The following ITPK1 variants were observed in gnomAD, a reference collection of about 807,000 sequenced individuals.
ITPK1 encodes the protein inositol 1,3,4-trisphosphate 5/6-kinase.
A neutral mutation model predicts 45.3 loss-of-function variants in ITPK1; 21 were observed. The ratio of observed to expected loss-of-function variants is 0.46; its 90% CI spans 0.33 to 0.67. The LOEUF (loss-of-function observed/expected upper bound fraction) is 0.67. Among genes scored for constraint, ITPK1 ranks in the 30% least tolerant of loss-of-function variants. ITPK1 has a pLI of 0.02. For missense variants in ITPK1, 474 were observed against 573.5 expected (o/e 0.83, Z 1.77); for synonymous variants, 258 against 253.6 (o/e 1.02, Z -0.16).
At chr14:93,108,967 C>G (rs1423768187) in intron 2 of ITPK1, among the ~76,000 whole-genome samples, 1 of 152,162 alleles carries the variant, frequency 6.6e-6, no homozygotes, top group Non-Finnish European at 1.5e-5. Flanking sequence ...GAGCCAAGAT[C>G]GTGCCACTGC....
intron 5 of ITPK1, among the ~76,000 whole-genome samples, chr14:92,982,071 C>T (rs1886262621): frequency 6.6e-6 from 1 of 152,230 alleles, no homozygotes; most frequent in South Asian, 2.1e-4. Context: ...GGGCGACATG[C>T]CCCAAGACAC....
rs1234884526 is a variant in ITPK1, at chr14:92,993,902, C to G, written c.342G>C (p.Arg114=). 6.2e-7 allele frequency: 1 copy of G among 1,612,054 alleles called. No individual in the cohort carries two copies. The highest frequency in any genetic ancestry group is 8.5e-7 in the Non-Finnish European group (1 of 1,178,108). The change falls in exon 5 of 11, where the codon CGG becomes CGC. Residue 114 remains arginine (R), a synonymous_variant. Transcript: ENST00000267615. The part of the protein sequence containing the change: ...LDRSKSYELI[R]KIEAYMEDDR... ...TACCTTCCATGTAGGCCTCAATCTT[C>G]CGGATGAGCTCATAGGACTTGGAGC...
intron 3 of ITPK1, among the ~76,000 whole-genome samples, chr14:93,039,648 C>T (rs1011980903): frequency 6.6e-6 from 1 of 152,174 alleles, no homozygotes; most frequent in African/African-American, 2.4e-5. Context: ...TCTGTGACCA[C>T]TGAATGGGGG....
At chr14:93,112,155 G>T (rs1312451095) in intron 2 of ITPK1, among the ~76,000 whole-genome samples, 1 of 152,100 alleles carries the variant, frequency 6.6e-6, no homozygotes, top group Non-Finnish European at 1.5e-5. Context: ...AGATAATGAG[G>T]GAGACTGCCT....
chr14:93,005,849 G>A (rs117190798), intron 4 of ITPK1, among the ~76,000 whole-genome samples: 4,574 of 152,282 alleles, frequency 0.03, 85 homozygotes, highest in Non-Finnish European at 0.045. Flanking sequence ...GAGCTGGCTT[G>A]GTAAAAAGGA....
intron 7 of ITPK1, among the ~76,000 whole-genome samples, chr14:92,959,011 C>T (rs184832506): frequency 3.7e-4 from 57 of 152,286 alleles, no homozygotes; most frequent in African/African-American, 8.7e-4. Context: ...GTCTGCACAG[C>T]ACCCAGCCGC....
chr14:93,084,199 C>T (rs923582609), intron 2 of ITPK1, among the ~76,000 whole-genome samples: 25 of 152,352 alleles, frequency 1.6e-4, no homozygotes, highest in African/African-American at 5.3e-4. Flanking sequence ...CTGGAAACAA[C>T]GCGGGCTGAG....
chr14:92,947,077 C>A (rs1042932098), intron 9 of ITPK1, among the ~76,000 whole-genome samples: 2 of 152,198 alleles, frequency 1.3e-5, no homozygotes, highest in Non-Finnish European at 2.9e-5. Context: ...CAGAGCCGGG[C>A]ACAAGTGAGG....
chr14:93,020,843 C>A (rs1417923297), intron 3 of ITPK1, among the ~76,000 whole-genome samples: 2 of 152,142 alleles, frequency 1.3e-5, no homozygotes, highest in Non-Finnish European at 2.9e-5. Context: ...AGCACTAGCA[C>A]CCAGCTCTTG....
At chr14:93,013,038 A>C (rs1239672759) in intron 4 of ITPK1, among the ~76,000 whole-genome samples, 1 of 151,948 alleles carries the variant, frequency 6.6e-6, no homozygotes, top group Non-Finnish European at 1.5e-5. Flanking sequence ...GCCACTCACC[A>C]GGCCAGGAGG....
At chr14:92,944,683 C>T (rs1401952738) in intron 10 of ITPK1, among the ~76,000 whole-genome samples, 3 of 152,158 alleles carry the variant, frequency 2.0e-5, no homozygotes, top group Admixed American at 1.3e-4. Context: ...AAACATGCTC[C>T]GTGGTTTAGA....
At chr14:93,038,471 A>G (rs1214660591) in intron 3 of ITPK1, among the ~76,000 whole-genome samples, 1 of 152,244 alleles carries the variant, frequency 6.6e-6, no homozygotes, top group African/African-American at 2.4e-5. Context: ...TGATTAAATT[A>G]TATCCATATA....
At chr14:93,015,493 T>C (rs111943250) in intron 4 of ITPK1, among the ~76,000 whole-genome samples, 2,891 of 152,284 alleles carry the variant, frequency 0.019, 98 homozygotes, top group African/African-American at 0.066. Context: ...ATTTTACAAA[T>C]AAGGAAACTG....
intron 3 of ITPK1, among the ~76,000 whole-genome samples, chr14:93,064,050 A>C (rs948943738): frequency 6.6e-6 from 1 of 151,210 alleles, no homozygotes; most frequent in Non-Finnish European, 1.5e-5. Flanking sequence ...TTGGGAGGCC[A>C]AGGTGGGTGG....
At chr14:93,019,675 C>T (rs1888369327) in intron 3 of ITPK1, among the ~76,000 whole-genome samples, 1 of 152,134 alleles carries the variant, frequency 6.6e-6, no homozygotes, top group Admixed American at 6.5e-5. Flanking sequence ...GTCCCCTGAA[C>T]ACACTGCAAA....
chr14:93,084,331 A>C (rs1891567481), intron 2 of ITPK1, among the ~76,000 whole-genome samples: 1 of 152,248 alleles, frequency 6.6e-6, no homozygotes, highest in African/African-American at 2.4e-5. Context: ...CAACACCTGA[A>C]GAGCTTTTTG....
intron 4 of ITPK1, among the ~76,000 whole-genome samples, chr14:93,015,103 T>C (rs1595138456): frequency 6.6e-6 from 1 of 152,116 alleles, no homozygotes; most frequent in African/African-American, 2.4e-5. Context: ...CTGTATGACT[T>C]GGGATCAGCT....
rs903733321 is a variant in ITPK1 at position 93,051,766 on chromosome 14, T to C, written c.120+24829A>G. 2.6e-5 allele frequency among the ~76,000 whole-genome samples: 4 copies of C among 152,346 alleles called. No homozygotes were observed. The East Asian group carries it at 7.7e-4, about 29-fold the overall frequency. ...AATTCAATGAGACCGGAAACCACCC[T>C]GTGCCTCCAAATGTCTCAGCATGGG... On this transcript the variant is annotated intron_variant, in intron 3 of 10. Transcript: ENST00000267615.
At chr14:93,003,054 CA>C (rs1887429821) in intron 4 of ITPK1, among the ~76,000 whole-genome samples, 1 of 152,230 alleles carries the variant, frequency 6.6e-6, no homozygotes, top group South Asian at 2.1e-4. Flanking sequence ...CCGCGTGGCG[CA>C]GGGGGAAGAG....
Sources: gnomAD v4.1 joint callset for allele counts (sites outside exome capture counted in the v4.1 genomes callset) on GRCh38, gnomAD v4.1.1 for gene constraint, MANE v1.5 for transcripts, NCBI Gene and HGNC (gene_info 2026-07-23, HGNC 2026-07-21) for gene names.